ROBO1: variants seen among roughly 807,000 people sequenced by gnomAD.
The protein encoded by ROBO1 is roundabout guidance receptor 1.
Under a neutral mutation model 195.9 loss-of-function variants are expected in ROBO1, and 149 were observed. The ratio of observed to expected loss-of-function variants is 0.76; its 90% CI spans 0.67 to 0.87. The LOEUF (loss-of-function observed/expected upper bound fraction) is 0.87. Ranked by LOEUF, ROBO1 falls within the 40% of genes least tolerant of loss-of-function variation. The probability of loss-of-function intolerance (pLI) is 0.00; values close to 1 mark genes in which losing one functional copy is unlikely to be tolerated. For missense variants in ROBO1, 1,933 were observed against 2,068.3 expected, an observed-to-expected ratio of 0.93 and a Z score of 1.27; for synonymous variants, 816 against 733.2, an observed-to-expected ratio of 1.11 and a Z score of -1.82.
intron 2 of ROBO1, among the ~76,000 whole-genome samples, chr3:79,247,802 A>G (rs756686314): frequency 6.6e-6 from 1 of 152,166 alleles, no homozygotes; most frequent in Non-Finnish European, 1.5e-5. Context: ...AATTTGTACA[A>G]CAAACACAAG....
At chr3:78,600,738 T>G (rs975970112) in intron 29 of ROBO1, among the ~76,000 whole-genome samples, 2 of 152,200 alleles carry the variant, frequency 1.3e-5, no homozygotes, top group Admixed American at 6.5e-5. Context: ...TCCGTTCACA[T>G]GGACACGTGA....
chr3:78,772,057 AAAACC>A (rs2083389236), intron 4 of ROBO1, among the ~76,000 whole-genome samples: 1 of 152,164 alleles, frequency 6.6e-6, no homozygotes, highest in African/African-American at 2.4e-5. Flanking sequence ...AATGTTGACA[AAAACC>A]ATATACAAAC....
At chr3:79,053,576 G>A (rs564466183) in intron 3 of ROBO1, among the ~76,000 whole-genome samples, 12 of 151,590 alleles carry the variant, frequency 7.9e-5, no homozygotes, top group South Asian at 6.3e-4. Flanking sequence ...TTCCTCAACC[G>A]GTCACTTTGC....
chr3:79,363,119 T>TA (rs2035834392), intron 2 of ROBO1, among the ~76,000 whole-genome samples: 1 of 152,172 alleles, frequency 6.6e-6, no homozygotes, highest in Admixed American at 6.5e-5. Context: ...TCTCAGCCAC[T>TA]AACAGCAAAA....
intron 1 of ROBO1, among the ~76,000 whole-genome samples, chr3:79,606,811 C>T (rs775273052): frequency 2.6e-5 from 4 of 151,418 alleles, no homozygotes; most frequent in Non-Finnish European, 4.4e-5. Flanking sequence ...ACAAATCAAC[C>T]GTTTCAAAAA....
intron 2 of ROBO1, among the ~76,000 whole-genome samples, chr3:79,287,142 AG>A (rs2031936382): frequency 6.6e-6 from 1 of 152,188 alleles, no homozygotes; most frequent in Non-Finnish European, 1.5e-5. Context: ...TTTGTTGAAG[AG>A]GGTTCGTAAT....
chr3:79,029,422 A>G (rs1189739317), intron 3 of ROBO1, among the ~76,000 whole-genome samples: 1 of 152,172 alleles, frequency 6.6e-6, no homozygotes. Flanking sequence ...GTCTTAAATA[A>G]TGGTGAATAT....
At chr3:78,789,390 A>G (rs2083949559) in intron 4 of ROBO1, among the ~76,000 whole-genome samples, 1 of 152,206 alleles carries the variant, frequency 6.6e-6, no homozygotes, top group East Asian at 1.9e-4. Flanking sequence ...TTTAACGACT[A>G]AGAATGAGGA....
At chr3:78,965,951 A>T (rs2076632847) in intron 3 of ROBO1, among the ~76,000 whole-genome samples, 1 of 152,212 alleles carries the variant, frequency 6.6e-6, no homozygotes, top group Admixed American at 6.5e-5. Flanking sequence ...TTAATCAATT[A>T]TCTTTAAATG....
intron 5 of ROBO1, among the ~76,000 whole-genome samples, chr3:78,721,251 T>C (rs1192216648): frequency 6.6e-6 from 1 of 152,232 alleles, no homozygotes; most frequent in Non-Finnish European, 1.5e-5. Flanking sequence ...TATCATCTTA[T>C]CAAAATCTTC....
Position 78,919,184 on chromosome 3 carries a change from C to G in ROBO1, c.499+19417G>C, listed in dbSNP as rs564594071. Among the ~76,000 whole-genome samples the G allele has an allele frequency of 2.6e-5, 4 of 152,296 alleles. No homozygotes were observed. In the East Asian group the frequency reaches 7.7e-4, roughly 29 times the overall value. Reference sequence around the variant, plus strand: ...AGATTATGGTTACGTGAGCTTCAAACAGGCTCAAGTGTATCCTCACAAAGT... The same window carrying G: ...AGATTATGGTTACGTGAGCTTCAAAGAGGCTCAAGTGTATCCTCACAAAGT... On this transcript the variant is annotated intron_variant, in intron 4 of 30. Transcript: ENST00000464233.
intron 2 of ROBO1, among the ~76,000 whole-genome samples, chr3:79,460,362 A>G (rs1295109548): frequency 1.6e-4 from 24 of 152,312 alleles, no homozygotes; most frequent in Admixed American, 1.4e-3. Flanking sequence ...TATCTAACAC[A>G]CTTTCTCCAA....
intron 4 of ROBO1, among the ~76,000 whole-genome samples, chr3:78,879,349 T>C (rs2036043814): frequency 1.3e-5 from 2 of 152,192 alleles, no homozygotes; most frequent in African/African-American, 4.8e-5. Context: ...TGTCTACACA[T>C]ATATCATGCC....
At chr3:79,110,260 T>A (rs1236603758) in intron 3 of ROBO1, among the ~76,000 whole-genome samples, 1 of 151,964 alleles carries the variant, frequency 6.6e-6, no homozygotes, top group Non-Finnish European at 1.5e-5. Context: ...ATAATATTTA[T>A]ATAATACTAT....
At chr3:78,924,937 A>G (rs2107616124) in intron 4 of ROBO1, among the ~76,000 whole-genome samples, 1 of 152,038 alleles carries the variant, frequency 6.6e-6, no homozygotes, top group Non-Finnish European at 1.5e-5. Flanking sequence ...AATTTTGATA[A>G]TTTAAAAATA....
At chr3:79,709,798 A>T (rs4856621) in intron 1 of ROBO1, among the ~76,000 whole-genome samples, 42,876 of 152,044 alleles carry the variant, frequency 0.28, 7,642 homozygotes, top group East Asian at 0.57. Context: ...CATTACCATT[A>T]AAATAGTCTC....
At chr3:78,692,358 C>T (rs1056782487) in intron 8 of ROBO1, among the ~76,000 whole-genome samples, 1 of 152,100 alleles carries the variant, frequency 6.6e-6, no homozygotes, top group African/African-American at 2.4e-5. Context: ...CAACCTCTGC[C>T]TCCCGGGTTC....
intron 5 of ROBO1, among the ~76,000 whole-genome samples, chr3:78,743,885 C>T (rs896849583): frequency 3.5e-4 from 54 of 152,114 alleles, no homozygotes; most frequent in Non-Finnish European, 1.3e-4. Flanking sequence ...TCAAACAGGT[C>T]TGCCGGACAG....
intron 1 of ROBO1, among the ~76,000 whole-genome samples, chr3:79,730,374 T>G (rs1480167616): frequency 1.3e-5 from 2 of 152,190 alleles, no homozygotes; most frequent in African/African-American, 4.8e-5. Flanking sequence ...TCCTATGTAA[T>G]TATATAGTCA....
Sources: gnomAD v4.1 joint callset for allele counts (sites outside exome capture counted in the v4.1 genomes callset) on GRCh38, gnomAD v4.1.1 for gene constraint, MANE v1.5 for transcripts, NCBI Gene and HGNC (gene_info 2026-07-23, HGNC 2026-07-21) for gene names.